The following TMTC2 variants were observed in gnomAD, a reference collection of about 807,000 sequenced individuals.
TMTC2 encodes the protein transmembrane O-mannosyltransferase targeting cadherins 2.
A neutral mutation model predicts 82.4 loss-of-function variants in TMTC2; 43 were observed. That is an observed-to-expected ratio of 0.52 (90% CI 0.41 to 0.67). TMTC2 has a LOEUF of 0.67. TMTC2 is among the 30% of genes least tolerant of loss of function. TMTC2 has a pLI of 0.00. For missense variants in TMTC2, 919 were observed against 1,012.4 expected (o/e 0.91, Z 1.25); for synonymous variants, 408 against 381.9 (o/e 1.07, Z -0.80).
chr12:82,697,397 C>T lies in TMTC2; in HGVS notation c.83+9728C>T, dbSNP rs117808879. Among the ~76,000 whole-genome samples, 805 of 150,998 alleles carry T rather than the reference C, an allele frequency of 5.3e-3. 14 individuals carry two copies. Among genetic ancestry groups the T allele is most frequent in the East Asian group, 0.023 (116 of 5,140 alleles). On this transcript the variant is annotated intron_variant, in intron 1 of 11. Transcript: ENST00000321196. ...AGGTTTTGCATTACTGTTATTCCCACGTACAGCAGATGCTGCAGATTCACT... is the reference window on the plus strand; with the variant it reads ...AGGTTTTGCATTACTGTTATTCCCATGTACAGCAGATGCTGCAGATTCACT...
At chr12:82,831,888 A>T (rs1391133766) in intron 1 of TMTC2, among the ~76,000 whole-genome samples, 2 of 152,170 alleles carry the variant, frequency 1.3e-5, no homozygotes, top group Non-Finnish European at 2.9e-5. Flanking sequence ...CTCCTTCAGG[A>T]TCGTACGAAG....
intron 11 of TMTC2, among the ~76,000 whole-genome samples, chr12:83,095,246 T>G (rs1023300714): frequency 6.6e-6 from 1 of 151,288 alleles, no homozygotes; most frequent in Non-Finnish European, 1.5e-5. Context: ...TTTTTTGTTT[T>G]TTTTGTTTTT....
chr12:82,753,569 T>C lies in TMTC2; in HGVS notation c.83+65900T>C, dbSNP rs1425418444. Among the ~76,000 whole-genome samples the C allele has an allele frequency of 3.3e-5, 5 of 152,332 alleles. No homozygotes were observed. The East Asian group carries it at 9.6e-4, about 29-fold the overall frequency. On this transcript the variant is annotated intron_variant, in intron 1 of 11. Transcript: ENST00000321196. The stretch of plus-strand genomic sequence containing the variant: ...AGAAAACTGATTAGGAAGACAGTTA[T>C]TCACTTCTGTTTGCTGAACTGGAAG...
chr12:83,123,562 A>G (rs1355801898), intron 11 of TMTC2, among the ~76,000 whole-genome samples: 2 of 152,154 alleles, frequency 1.3e-5, no homozygotes, highest in Non-Finnish European at 1.5e-5. Context: ...TGTGAAGATC[A>G]TTTGTTTAAT....
At chr12:83,115,712 T>C (rs900800178) in intron 11 of TMTC2, among the ~76,000 whole-genome samples, 1 of 152,076 alleles carries the variant, frequency 6.6e-6, no homozygotes, top group Admixed American at 6.6e-5. Context: ...AGTAAGTTTT[T>C]TAGTGGTGAT....
chr12:82,812,594 A>G (rs985079479), intron 1 of TMTC2, among the ~76,000 whole-genome samples: 6 of 152,248 alleles, frequency 3.9e-5, no homozygotes, highest in South Asian at 2.1e-4. Flanking sequence ...TGGAATAGCT[A>G]TAATAAAGAC....
chr12:83,064,022 GTTTTTCT>G (rs1207892531), intron 11 of TMTC2, among the ~76,000 whole-genome samples: 3 of 151,658 alleles, frequency 2.0e-5, no homozygotes, highest in African/African-American at 4.8e-5. Flanking sequence ...AGAGATCAGA[GTTTTTCT>G]TTTTTTTTTA....
chr12:82,905,945 CA>C (rs75917698), intron 3 of TMTC2, among the ~76,000 whole-genome samples: 1,482 of 95,438 alleles, frequency 0.016, 10 homozygotes, highest in South Asian at 0.044. Flanking sequence ...AACTCTGTCT[CA>C]AAAAAAAAAA....
chr12:82,725,616 C>G (rs760563052), intron 1 of TMTC2, among the ~76,000 whole-genome samples: 1 of 152,138 alleles, frequency 6.6e-6, no homozygotes, highest in Non-Finnish European at 1.5e-5. Context: ...AGCCCACAGT[C>G]CTGAGAACAT....
At position 82,707,500 on chromosome 12, in the gene TMTC2, G is replaced by T. The variant is rs1311220405; in HGVS notation, c.83+19831G>T. The stretch of plus-strand genomic sequence containing the variant: ...CAAAGAGCTCTAATGAGGCCATGAG[G>T]ACTCTGTTTCTTTCTTCATCTCTTG... On this transcript the variant is annotated intron_variant, in intron 1 of 11. Transcript: ENST00000321196. Among the ~76,000 whole-genome samples, 5 of 152,162 alleles carry T rather than the reference G, an allele frequency of 3.3e-5. No individual in the cohort carries two copies. The East Asian group carries it at 9.6e-4, about 29-fold the overall frequency.
At chr12:82,944,970 A>T (rs1219510947) in intron 4 of TMTC2, among the ~76,000 whole-genome samples, 1 of 152,238 alleles carries the variant, frequency 6.6e-6, no homozygotes. Context: ...ATGTAAATTA[A>T]TATGTATTTG....
At chr12:82,694,703 TGA>T (rs1402622904) in intron 1 of TMTC2, among the ~76,000 whole-genome samples, 1 of 152,118 alleles carries the variant, frequency 6.6e-6, no homozygotes, top group Non-Finnish European at 1.5e-5. Context: ...AATGTTTCTG[TGA>T]GGTCTTTGTC....
At chr12:82,762,360 A>G (rs976694380) in intron 1 of TMTC2, among the ~76,000 whole-genome samples, 4 of 151,970 alleles carry the variant, frequency 2.6e-5, no homozygotes, top group Admixed American at 6.6e-5. Context: ...TACCCCTCCA[A>G]TGCTCGTGCA....
chr12:82,889,458 G>A (rs1873283521), intron 2 of TMTC2, among the ~76,000 whole-genome samples: 1 of 151,960 alleles, frequency 6.6e-6, no homozygotes, highest in Non-Finnish European at 1.5e-5. Flanking sequence ...ACACACAGAT[G>A]GGGAGCCACA....
At chr12:82,704,029 T>C (rs1873226257) in intron 1 of TMTC2, among the ~76,000 whole-genome samples, 1 of 152,258 alleles carries the variant, frequency 6.6e-6, no homozygotes, top group South Asian at 2.1e-4. Context: ...AATACCTTTA[T>C]GCTTATCTTT....
At chr12:82,863,946 G>A (rs1871682449) in intron 2 of TMTC2, among the ~76,000 whole-genome samples, 1 of 152,154 alleles carries the variant, frequency 6.6e-6, no homozygotes, top group Admixed American at 6.5e-5. Flanking sequence ...GGAGTTGAGA[G>A]GAAGGGGAGG....
At chr12:82,847,805 G>A (rs1211446906) in intron 1 of TMTC2, among the ~76,000 whole-genome samples, 1 of 151,786 alleles carries the variant, frequency 6.6e-6, no homozygotes, top group East Asian at 1.9e-4. Context: ...GGGGGTGTGG[G>A]ACTTGGGGGA....
At chr12:83,016,269 T>A (rs1382307611) in intron 8 of TMTC2, among the ~76,000 whole-genome samples, 1 of 152,202 alleles carries the variant, frequency 6.6e-6, no homozygotes, top group East Asian at 1.9e-4. Flanking sequence ...TTAATTTGGA[T>A]CTTCTAAAGA....
At chr12:82,877,207 A>G (rs1195656480) in intron 2 of TMTC2, among the ~76,000 whole-genome samples, 1 of 152,218 alleles carries the variant, frequency 6.6e-6, no homozygotes, top group African/African-American at 2.4e-5. Context: ...TAAACTAGGA[A>G]GTGGCTGGAT....
Sources: gnomAD v4.1 joint callset for allele counts (sites outside exome capture counted in the v4.1 genomes callset) on GRCh38, gnomAD v4.1.1 for gene constraint, MANE v1.5 for transcripts, NCBI Gene and HGNC (gene_info 2026-07-23, HGNC 2026-07-21) for gene names.